Variants in MMEL1 observed in about 807,000 individuals in gnomAD.
MMEL1 encodes membrane metallo-endopeptidase-like 1.
MMEL1 carries 98 observed loss-of-function variants against 117.1 expected under a neutral mutation model. That is an observed-to-expected ratio of 0.84 (90% CI 0.71 to 0.99). The LOEUF is 0.99. MMEL1 is among the 50% of genes least tolerant of loss of function. The pLI is 0.00. For missense variants in MMEL1, 1,014 were observed against 1,049.1 expected, an observed-to-expected ratio of 0.97 and a Z score of 0.46; for synonymous variants, 390 against 415.1, an observed-to-expected ratio of 0.94 and a Z score of 0.74.
intron 11 of MMEL1, among the ~76,000 whole-genome samples, chr1:2,601,057 T>A (rs1644924019): frequency 6.6e-6 from 1 of 152,228 alleles, no homozygotes; most frequent in Admixed American, 6.5e-5. Context: ...CCTATCAAAT[T>A]TCTAGCAGAG....
rs1644805547 is a variant in MMEL1 at position 2,594,800 on chromosome 1, C to T, written c.1678G>A (p.Asp560Asn). 1 of 1,613,556 alleles carries T rather than the reference C, an allele frequency of 6.2e-7. No homozygotes were observed. Among genetic ancestry groups the T allele is most frequent in the Non-Finnish European group, 8.5e-7 (1 of 1,179,740 alleles). The change falls in exon 17 of 24, where the codon GAC becomes AAC. Residue 560 changes from aspartate (D) to asparagine (N), a missense_variant. Transcript: ENST00000378412. ...RSLRKLREKV[D>N]PNLWIIGAAV... ...AGCGATGCCACTCACAGATTTGGGT[C>T]CACCTTTTCCCGAAGCTTCCTGAGG...
intron 13 of MMEL1, 138 bp from the exon 14 acceptor site, chr1:2,596,827 T>A: frequency 2.1e-6 from 2 of 952,112 alleles, no homozygotes; most frequent in East Asian, 2.6e-5. Context: ...GGGCACGGGA[T>A]GATCTCAGCC....
chr1:2,616,498 C>T (rs1015316606), intron 2 of MMEL1, among the ~76,000 whole-genome samples: 3 of 152,086 alleles, frequency 2.0e-5, no homozygotes, highest in Admixed American at 6.5e-5. Flanking sequence ...ACATTATCAG[C>T]TTATAATTCT....
intron 6 of MMEL1, 122 bp from the exon 7 acceptor site, chr1:2,607,191 A>G (rs1201406567): frequency 3.9e-6 from 3 of 764,374 alleles, no homozygotes; most frequent in Non-Finnish European, 6.5e-6. Context: ...GTGCTCCGCG[A>G]GAGGCGGCCT....
intron 2 of MMEL1, among the ~76,000 whole-genome samples, chr1:2,614,376 C>T (rs1257942686): frequency 6.6e-6 from 1 of 152,176 alleles, no homozygotes; most frequent in Admixed American, 6.5e-5. Flanking sequence ...AGTTGTCCTA[C>T]ATGGGATCCC....
At chr1:2,593,118 A>G in intron 19 of MMEL1, 152 bp from the exon 20 acceptor site, 2 of 1,001,476 alleles carry the variant, frequency 2.0e-6, no homozygotes, top group East Asian at 2.5e-5. Context: ...CTGGAAGAGC[A>G]TCGCGGGCTC....
chr1:2,591,002 G>A lies in MMEL1; in HGVS notation c.2328C>T (p.Cys776=). ...GGCAGGGCCTTGGCTACCACACGCG[G>A]CATCGCTCCTTGGGGTGCATGGGGG... ...RGTPMHPKER[C]RVW is the part of the protein sequence containing the mutation. Residue 776 remains cysteine (C), a synonymous_variant, in exon 24 of 24, where the codon TGC becomes TGT. Coordinates refer to ENST00000378412, the MANE Select transcript of MMEL1 (RefSeq NM_033467.4). 1.3e-6 allele frequency: 2 copies of A among 1,594,542 alleles called. No homozygotes were observed. The highest frequency in any genetic ancestry group is 1.3e-5 in the African/African-American group (1 of 74,394).
In MMEL1 at chr1:2,595,242, G is replaced by T. The variant is rs764528660; in HGVS notation, c.1584+34C>A. On this transcript the variant is annotated intron_variant, in intron 16 of 23. Coordinates refer to ENST00000378412, the MANE Select transcript of MMEL1 (RefSeq NM_033467.4). The surrounding 1 kb of genome is among the most constrained non-coding windows in gnomAD (Gnocchi z 4.8). The stretch of plus-strand genomic sequence containing the variant: ...CAATCAGGGCCCATGTCCACGGTGT[G>T]GGGGGCAGTTTAGGGCTGGGGTTGG... 2.5e-6 allele frequency: 4 copies of T among 1,580,752 alleles called. No homozygotes were observed. Among genetic ancestry groups the T allele is most frequent in the South Asian group, 1.1e-5 (1 of 89,996 alleles).
chr1:2,610,551 GC>G (rs1645108573), intron 4 of MMEL1, among the ~76,000 whole-genome samples: 1 of 152,166 alleles, frequency 6.6e-6, no homozygotes. Flanking sequence ...TCTGCCCCCT[GC>G]CCCCTCACTC....
chr1:2,591,761 C>T (rs995363527), intron 22 of MMEL1, 128 bp from the exon 23 acceptor site: 13 of 1,033,234 alleles, frequency 1.3e-5, no homozygotes, highest in Non-Finnish European at 3.0e-6. Context: ...AGGTGCTCCC[C>T]TCCTCCCATC....
intron 7 of MMEL1, 30 bp from the exon 8 acceptor site, chr1:2,606,396 T>A (rs1321300274): frequency 6.3e-7 from 1 of 1,576,156 alleles, no homozygotes; most frequent in East Asian, 2.3e-5. Context: ...CACTGGAGAC[T>A]GGCGGGCCCT....
chr1:2,597,450 C>T (rs1459961483), intron 13 of MMEL1, among the ~76,000 whole-genome samples: 1 of 152,088 alleles, frequency 6.6e-6, no homozygotes, highest in African/African-American at 2.4e-5. Context: ...AGAGTCCCGA[C>T]TCCCCTCTGC....
In MMEL1 at chr1:2,604,258, G is replaced by A. The variant is rs746924563; in HGVS notation, c.840C>T (p.Phe280=). The A allele has an allele frequency of 3.7e-6, 6 of 1,612,766 alleles. No homozygotes were observed. The African/African-American group carries it at 5.3e-5, about 14-fold the overall frequency. The change falls in exon 10 of 24, where the codon TTC becomes TTT. Residue 280 remains phenylalanine (F), a synonymous_variant. Transcript: ENST00000378412. The part of the protein sequence containing the change: ...NRKVREAYLQ[F]MVSVATLLRE... Reference sequence around the variant, plus strand: ...GCAGCAACGTGGCCACTGACACCATGAACTGCAGGTAGGCTTCCCGCACCT... The same window carrying A: ...GCAGCAACGTGGCCACTGACACCATAAACTGCAGGTAGGCTTCCCGCACCT...
chr1:2,632,789 A>G (rs926161096), intron 1 of MMEL1, 77 bp downstream of exon 1: 48 of 893,776 alleles, frequency 5.4e-5, no homozygotes, highest in Non-Finnish European at 6.4e-5. Flanking sequence ...AGAGGGTTTC[A>G]AGGCCCAGGA....
At chr1:2,624,194 C>A (rs1475564005) in intron 2 of MMEL1, among the ~76,000 whole-genome samples, 1 of 152,214 alleles carries the variant, frequency 6.6e-6, no homozygotes, top group African/African-American at 2.4e-5. Flanking sequence ...CACAGAAGGA[C>A]CAGGGCTTGG....
intron 14 of MMEL1, 61 bp downstream of exon 14, chr1:2,596,500 G>A (rs1194308397): frequency 6.3e-7 from 1 of 1,581,490 alleles, no homozygotes; most frequent in African/African-American, 1.3e-5. Context: ...CTCAGGGCAG[G>A]GAGGCTCGGT....
chr1:2,595,604 G>A lies in MMEL1; in HGVS notation c.1501-245C>T, dbSNP rs913469365. Among the ~76,000 whole-genome samples the A allele has an allele frequency of 2.0e-5, 3 of 152,120 alleles. 1 individual carries two copies. Among genetic ancestry groups the A allele is most frequent in the Non-Finnish European group, 2.9e-5 (2 of 68,004 alleles). On this transcript the variant is annotated intron_variant, in intron 15 of 23. Transcript: ENST00000378412. The surrounding 1 kb of genome is among the most constrained non-coding windows in gnomAD (Gnocchi z 4.8). ...CACCTGACCTAGAGCCCAACAGCCC[G>A]CCAGGGGTCCGGGTGGGGGCAGGGG...
At chr1:2,624,315 C>T (rs1645336416) in intron 2 of MMEL1, among the ~76,000 whole-genome samples, 1 of 152,184 alleles carries the variant, frequency 6.6e-6, no homozygotes, top group African/African-American at 2.4e-5. Context: ...GTGCAGGGAA[C>T]AGGAGCTCAT....
chr1:2,592,649 C>T lies in MMEL1; in HGVS notation c.2067+6G>A, dbSNP rs1162554026. ...CGCTGACGCCCCCTCCCCTGCCAGG[C>T]CCCACCTTATAGGCTTGCCGCACCC... On this transcript the variant is annotated splice_donor_region_variant and intron_variant, in intron 21 of 23. Coordinates refer to ENST00000378412, the MANE Select transcript of MMEL1 (RefSeq NM_033467.4). 1 of 1,569,750 alleles carries T rather than the reference C, an allele frequency of 6.4e-7. No homozygotes were observed. Among genetic ancestry groups the T allele is most frequent in the Middle Eastern group, 1.7e-4 (1 of 5,800 alleles).
Sources: gnomAD v4.1 joint callset for allele counts (sites outside exome capture counted in the v4.1 genomes callset) on GRCh38, gnomAD v4.1.1 for gene constraint, Gnocchi (gnomAD v3.1) non-coding constraint, MANE v1.5 for transcripts, NCBI Gene and HGNC (gene_info 2026-07-23, HGNC 2026-07-21) for gene names.